Variants in KCNH4 observed in about 807,000 individuals in gnomAD.
KCNH4 encodes the protein voltage-gated delayed rectifier potassium channel KCNH4.
KCNH4 carries 33 observed loss-of-function variants against 90.7 expected under a neutral mutation model. The observed-to-expected ratio is 0.36, with a 90% CI of 0.28 to 0.49. The LOEUF (loss-of-function observed/expected upper bound fraction) is 0.49, where lower values mean the gene tolerates loss of function less well. Among genes scored for constraint, KCNH4 ranks in the 20% least tolerant of loss-of-function variants. The probability of loss-of-function intolerance (pLI) is 0.98; values close to 1 mark genes in which losing one functional copy is unlikely to be tolerated. For missense variants in KCNH4, 1,044 were observed against 1,387.1 expected, an observed-to-expected ratio of 0.75 and a Z score of 3.93; for synonymous variants, 551 against 581.7, an observed-to-expected ratio of 0.95 and a Z score of 0.76.
chr17:42,170,164 C>T lies in KCNH4; in HGVS notation c.1333G>A (p.Val445Met). 2 of 1,613,624 alleles carry T rather than the reference C, an allele frequency of 1.2e-6. No individual in the cohort carries two copies. The highest frequency in any genetic ancestry group is 1.7e-6 in the Non-Finnish European group (2 of 1,179,924). The change falls in exon 8 of 17, where the codon GTG becomes ATG. Residue 445 changes from valine (V) to methionine (M), a missense_variant. Coordinates refer to ENST00000264661, the MANE Select transcript of KCNH4 (RefSeq NM_012285.3). ...TTCTCCGCGTCGGTGTTGGCACACA[C>T]GTTGCCAAAGCCCACACTGGTGAGG... ...SSLTSVGFGN[V>M]CANTDAEKIF...
chr17:42,176,378 G>T, intron 4 of KCNH4, 81 bp from the exon 5 acceptor site: 2 of 1,361,282 alleles, frequency 1.5e-6, no homozygotes, highest in South Asian at 1.3e-5. Flanking sequence ...AGGGGATGGG[G>T]AAAGTTAGCA....
Position 42,164,845 on chromosome 17 carries a change from C to A in KCNH4, c.2085+604G>T, listed in dbSNP as rs544097896. Among the ~76,000 whole-genome samples, 12 of 149,850 alleles carry A rather than the reference C, an allele frequency of 8.0e-5. No homozygotes were observed. The East Asian group carries it at 2.2e-3, about 27-fold the overall frequency. ...ACAAGACCGGGCATTGTGGCTCATGCCTGTAATCCCAGCACTTTGGGAGGC... is the reference window on the plus strand; with the variant it reads ...ACAAGACCGGGCATTGTGGCTCATGACTGTAATCCCAGCACTTTGGGAGGC... On this transcript the variant is annotated intron_variant, in intron 11 of 16. Transcript: ENST00000264661.
chr17:42,180,402 C>T lies in KCNH4; in HGVS notation c.76+468G>A, dbSNP rs902946115. ...ACCCACCTTAGACACTGACGCCCCA[C>T]GATTTGGGGGCGCGCGACCTCAATC... On this transcript the variant is annotated intron_variant, in intron 1 of 16. Coordinates refer to ENST00000264661, the MANE Select transcript of KCNH4 (RefSeq NM_012285.3). The surrounding 1 kb of genome is among the most constrained non-coding windows in gnomAD (Gnocchi z 4.7). 2.6e-5 allele frequency among the ~76,000 whole-genome samples: 4 copies of T among 152,144 alleles called. No individual in the cohort carries two copies. Among genetic ancestry groups the T allele is most frequent in the Non-Finnish European group, 4.4e-5 (3 of 68,010 alleles).
chr17:42,177,977 T>C (rs1238801164), intron 4 of KCNH4, 123 bp downstream of exon 4: 19 of 1,231,838 alleles, frequency 1.5e-5, no homozygotes, highest in East Asian at 1.4e-4. Context: ...GGGAAATGGG[T>C]GGGCAGAGGA....
intron 9 of KCNH4, among the ~76,000 whole-genome samples, chr17:42,167,936 C>G (rs1315365604): frequency 6.6e-6 from 1 of 152,216 alleles, no homozygotes; most frequent in African/African-American, 2.4e-5. Flanking sequence ...CCTGCCCTGC[C>G]TTCTCCCTCC....
chr17:42,180,795 C>T lies in KCNH4; in HGVS notation c.76+75G>A, dbSNP rs1248003599. 2.1e-6 allele frequency: 3 copies of T among 1,447,010 alleles called. No homozygotes were observed. Among genetic ancestry groups the T allele is most frequent in the Non-Finnish European group, 2.9e-6 (3 of 1,030,982 alleles). 89.6% of individuals were successfully genotyped at this position (1,447,010 alleles called of 1,614,324 possible). On this transcript the variant is annotated intron_variant, in intron 1 of 16. Transcript: ENST00000264661. The surrounding 1 kb of genome is among the most constrained non-coding windows in gnomAD (Gnocchi z 4.7). ...CCCTCGCCTCGGGTCTCACCATGTC[C>T]AGGAGATCCGAGACGGCCCCGAGGA...
chr17:42,174,011 G>A (rs952428509), intron 6 of KCNH4, among the ~76,000 whole-genome samples: 6 of 152,106 alleles, frequency 3.9e-5, no homozygotes, highest in African/African-American at 1.4e-4. Flanking sequence ...AAGCTGGAGT[G>A]CAGTGGAGCT....
Position 42,178,516 on chromosome 17 carries a change from G to A in KCNH4, c.311-39C>T, listed in dbSNP as rs1228905611. On this transcript the variant is annotated intron_variant, in intron 2 of 16. Transcript: ENST00000264661. ...GAGAGGGAAGGGAGGAGCATGGGCA[G>A]CCCCATGGCATGCCTTTCTCCTCAT... 3.1e-6 allele frequency: 5 copies of A among 1,609,718 alleles called. No homozygotes were observed. The Admixed American group carries it at 5.0e-5, about 16-fold the overall frequency.
intron 15 of KCNH4, 60 bp from the exon 16 acceptor site, chr17:42,160,495 C>G: frequency 2.0e-6 from 3 of 1,494,334 alleles, no homozygotes; most frequent in Non-Finnish European, 2.7e-6. Flanking sequence ...GTGCACCCCC[C>G]TCTCCAGTTT....
Position 42,166,381 on chromosome 17 carries a change from G to T in KCNH4, c.1756C>A (p.Arg586Ser). The T allele has an allele frequency of 1.9e-6, 3 of 1,613,824 alleles. No individual in the cohort carries two copies. The highest frequency in any genetic ancestry group is 2.5e-6 in the Non-Finnish European group (3 of 1,179,856). ...FCAPGEYLLR[R>S]GDALQAHYYV... Reference sequence around the variant, plus strand: ...TAATGTGCCTGCAGGGCATCCCCACGGCGCAACAGGTACTCGCCCGGAGCG... The same window carrying T: ...TAATGTGCCTGCAGGGCATCCCCACTGCGCAACAGGTACTCGCCCGGAGCG... Residue 586 changes from arginine to serine, a missense_variant, in exon 10 of 17, where the codon CGT becomes AGT. Arg to Ser is a moderately radical substitution (Grantham distance 110). Transcript: ENST00000264661.
In KCNH4 at chr17:42,172,010, C is replaced by G. The variant is rs753430546; in HGVS notation, c.988-15G>C. The stretch of plus-strand genomic sequence containing the variant: ...ACCAGCGAGGTCTGCAGGAAGGTGG[C>G]GGGGGAGGCTGTCAGCAGGCACACC... On this transcript the variant is annotated splice_polypyrimidine_tract_variant and intron_variant, in intron 6 of 16. Coordinates refer to ENST00000264661, the MANE Select transcript of KCNH4 (RefSeq NM_012285.3). The G allele has an allele frequency of 1.3e-5, 20 of 1,569,538 alleles. No homozygotes were observed. Among genetic ancestry groups the G allele is most frequent in the Admixed American group, 1.9e-5 (1 of 52,762 alleles).
Position 42,176,079 on chromosome 17 carries a change from G to A in KCNH4, c.804C>T (p.Ile268=), listed in dbSNP as rs1309780392. The change falls in exon 5 of 17, where the codon ATC becomes ATT. Residue 268 remains isoleucine, a synonymous_variant. Coordinates refer to ENST00000264661, the MANE Select transcript of KCNH4 (RefSeq NM_012285.3). ...ITSRHTLVSD[I]AVEMLFILDI... is the part of the protein sequence containing the mutation. ...CTAGGATGAAGAGCATTTCCACGGC[G>A]ATGTCGCTGACAAGGGTGTGTCGCG... The A allele has an allele frequency of 3.7e-6, 6 of 1,609,736 alleles. No individual in the cohort carries two copies. Among genetic ancestry groups the A allele is most frequent in the African/African-American group, 1.3e-5 (1 of 74,836 alleles).
rs944879166 is a variant in KCNH4, at chr17:42,181,013, C to T, written c.-68G>A. 2 of 1,483,170 alleles carry T rather than the reference C, an allele frequency of 1.3e-6. No homozygotes were observed. The highest frequency in any genetic ancestry group is 9.3e-7 in the Non-Finnish European group (1 of 1,080,778). The allele number at this position is 1,483,170 out of a possible 1,614,324, so 91.9% of individuals were successfully genotyped here. A position where few individuals can be genotyped will look rare whatever the true frequency, so the allele number is the denominator to read the frequency against. On this transcript the variant is annotated 5_prime_UTR_variant, in exon 1 of 17. Transcript: ENST00000264661. Reference sequence around the variant, plus strand: ...CAGCGCGGCCGGGCCGGAGGGGGCGCGCTGTCGGAGGGGCCGGGGCGCCCC... The same window carrying T: ...CAGCGCGGCCGGGCCGGAGGGGGCGTGCTGTCGGAGGGGCCGGGGCGCCCC...
chr17:42,167,024 C>T (rs1446433656), intron 9 of KCNH4, among the ~76,000 whole-genome samples: 1 of 152,198 alleles, frequency 6.6e-6, no homozygotes, highest in Admixed American at 6.5e-5. Context: ...TTCACATCCT[C>T]ATATGGAGCC....
rs2079858824 is a variant in KCNH4, at chr17:42,176,100, T to C, written c.783A>G (p.Arg261=). ...CGGCGATGTCGCTGACAAGGGTGTG[T>C]CGCGAAGTGATGGGGGTGTCATCGT... is the stretch of plus-strand genomic sequence containing the variant. The part of the protein sequence containing the change: ...SGDDDTPITS[R]HTLVSDIAVE... Residue 261 remains arginine, a synonymous_variant, in exon 5 of 17, where the codon CGA becomes CGG. Transcript: ENST00000264661. The C allele has an allele frequency of 6.2e-7, 1 of 1,613,006 alleles. No individual in the cohort carries two copies.
In KCNH4 at chr17:42,178,274, G is replaced by A. The variant is rs141740900; in HGVS notation, c.458-47C>T. On this transcript the variant is annotated intron_variant, in intron 3 of 16. Transcript: ENST00000264661. ...AGATACGTTGGGGCACATCCCTTGC[G>A]GCTGGTTAGGCGAAGGCTTCTGACC... The A allele has an allele frequency of 2.2e-4, 361 of 1,614,120 alleles. 2 individuals are homozygous for A. The African/African-American group carries it at 4.1e-3, about 18-fold the overall frequency.
chr17:42,164,032 C>T (rs867338987), intron 12 of KCNH4, 74 bp from the exon 13 acceptor site: 36 of 1,505,804 alleles, frequency 2.4e-5, no homozygotes, highest in Middle Eastern at 2.2e-4. Context: ...GAGCCTTCGC[C>T]GGCGGATGCA....
intron 11 of KCNH4, 100 bp downstream of exon 11, chr17:42,165,344 ATGTGT>A (rs1405395560): frequency 7.0e-7 from 1 of 1,419,882 alleles, no homozygotes; most frequent in East Asian, 2.3e-5. Flanking sequence ...GGCTTCAGGC[ATGTGT>A]TTTTAGGGTG....
chr17:42,172,510 C>G (rs2079834044), intron 6 of KCNH4, among the ~76,000 whole-genome samples: 1 of 146,920 alleles, frequency 6.8e-6, no homozygotes, highest in Non-Finnish European at 1.5e-5. Flanking sequence ...AGGCACTGTG[C>G]TAAGCATTGG....
Sources: allele counts gnomAD v4.1 joint callset (sites outside exome capture counted in the v4.1 genomes callset), GRCh38; gene constraint gnomAD v4.1.1; non-coding constraint Gnocchi (gnomAD v3.1); transcripts MANE v1.5; gene names NCBI Gene and HGNC (gene_info 2026-07-23, HGNC 2026-07-21).